ASTN2: variants seen among roughly 807,000 people sequenced by gnomAD.
The protein encoded by ASTN2 is astrotactin-2.
Under a neutral mutation model 139.8 loss-of-function variants are expected in ASTN2, and 54 were observed. The observed-to-expected ratio is 0.39, with a 90% CI of 0.31 to 0.48. The LOEUF (loss-of-function observed/expected upper bound fraction) is 0.48, where lower values mean the gene tolerates loss of function less well. Ranked by LOEUF, ASTN2 falls within the 20% of genes least tolerant of loss-of-function variation. The probability of loss-of-function intolerance (pLI) is 0.95; values close to 1 mark genes in which losing one functional copy is unlikely to be tolerated. For synonymous variants in ASTN2, 756 were observed against 719.5 expected, an observed-to-expected ratio of 1.05 and a Z score of -0.81; for missense variants, 1,565 against 1,725.1, an observed-to-expected ratio of 0.91 and a Z score of 1.64.
At chr9:117,242,032 T>C (rs999872998) in intron 2 of ASTN2, among the ~76,000 whole-genome samples, 4 of 115,836 alleles carry the variant, frequency 3.5e-5, no homozygotes, top group Admixed American at 1.7e-4. Flanking sequence ...TTTTTTTTTT[T>C]TTAGCTGAGT....
intron 2 of ASTN2, 40 bp from the exon 3 acceptor site, chr9:117,214,782 C>T (rs1220126646): frequency 4.9e-6 from 7 of 1,435,002 alleles, no homozygotes; most frequent in Non-Finnish European, 6.4e-6. Context: ...GGCCACTGTT[C>T]TTTGGAATCG....
At chr9:117,294,780 C>A (rs1834687109) in intron 1 of ASTN2, among the ~76,000 whole-genome samples, 1 of 152,180 alleles carries the variant, frequency 6.6e-6, no homozygotes, top group South Asian at 2.1e-4. Context: ...CCCTGCAGGA[C>A]TTACAACTGT....
chr9:116,887,446 C>G (rs1276102354), intron 10 of ASTN2, among the ~76,000 whole-genome samples: 1 of 151,396 alleles, frequency 6.6e-6, no homozygotes, highest in African/African-American at 2.4e-5. Flanking sequence ...AAACAACCAG[C>G]CTAGGAAAAA....
chr9:117,396,358 CTT>C (rs1830676914), intron 1 of ASTN2, among the ~76,000 whole-genome samples: 1 of 152,162 alleles, frequency 6.6e-6, no homozygotes, highest in Non-Finnish European at 1.5e-5. Flanking sequence ...GCTATGAATG[CTT>C]ACACTGCTAA....
At chr9:116,764,841 G>C (rs1829764344) in intron 13 of ASTN2, among the ~76,000 whole-genome samples, 1 of 152,032 alleles carries the variant, frequency 6.6e-6, no homozygotes, top group South Asian at 2.1e-4. Context: ...TATTTTAATT[G>C]GAAGTTGAGA....
intron 20 of ASTN2, among the ~76,000 whole-genome samples, chr9:116,482,999 C>G (rs754833588): frequency 6.6e-6 from 1 of 152,226 alleles, no homozygotes; most frequent in Non-Finnish European, 1.5e-5. Context: ...AAGACAGAGG[C>G]TAATTACCTT....
chr9:116,974,272 T>C (rs143851357), intron 10 of ASTN2, among the ~76,000 whole-genome samples: 185 of 152,284 alleles, frequency 1.2e-3, no homozygotes, highest in Non-Finnish European at 2.3e-3. Flanking sequence ...ATTAAATCAA[T>C]AAACATTTAA....
At chr9:116,481,831 A>C (rs774669913) in intron 20 of ASTN2, among the ~76,000 whole-genome samples, 9 of 152,164 alleles carry the variant, frequency 5.9e-5, no homozygotes, top group Non-Finnish European at 1.3e-4. Context: ...TGTCATTTGC[A>C]GTTAGGAAGT....
At chr9:116,922,800 G>A (rs1264650668) in intron 10 of ASTN2, among the ~76,000 whole-genome samples, 1 of 152,176 alleles carries the variant, frequency 6.6e-6, no homozygotes, top group Non-Finnish European at 1.5e-5. Context: ...ACAGTTCTGG[G>A]GATAAGCATA....
chr9:116,721,095 A>C (rs1828461535), intron 16 of ASTN2, among the ~76,000 whole-genome samples: 1 of 152,228 alleles, frequency 6.6e-6, no homozygotes, highest in African/African-American at 2.4e-5. Context: ...GGGTTGGATC[A>C]AGATAATTAG....
intron 4 of ASTN2, among the ~76,000 whole-genome samples, chr9:117,129,414 T>C (rs1414117925): frequency 6.6e-6 from 1 of 152,164 alleles, no homozygotes; most frequent in Non-Finnish European, 1.5e-5. Flanking sequence ...TGCAGAGTCA[T>C]CACTGAAAAT....
At chr9:116,864,001 C>T (rs1266835049) in intron 10 of ASTN2, among the ~76,000 whole-genome samples, 1 of 152,032 alleles carries the variant, frequency 6.6e-6, no homozygotes, top group Non-Finnish European at 1.5e-5. Flanking sequence ...ATGAGATGTG[C>T]ACTTTACCGT....
intron 12 of ASTN2, 106 bp downstream of exon 12, chr9:116,820,510 AT>A (rs1831456190): frequency 7.3e-7 from 1 of 1,374,184 alleles, no homozygotes; most frequent in African/African-American, 1.5e-5. Context: ...AGGCCATTTT[AT>A]TGAAGGTCAA....
intron 4 of ASTN2, among the ~76,000 whole-genome samples, chr9:117,121,141 G>T (rs1829548015): frequency 6.6e-6 from 1 of 152,166 alleles, no homozygotes; most frequent in Non-Finnish European, 1.5e-5. Flanking sequence ...CTTGCCCCAG[G>T]GCTTTATTAA....
intron 10 of ASTN2, among the ~76,000 whole-genome samples, chr9:116,942,799 G>A (rs912365601): frequency 2.0e-5 from 3 of 152,200 alleles, no homozygotes; most frequent in Admixed American, 2.0e-4. Flanking sequence ...CCCAATAAAA[G>A]CAAGGACTTC....
Position 117,365,121 on chromosome 9 carries a change from C to A in ASTN2, c.442+49376G>T, listed in dbSNP as rs376655232. 1.4e-3 allele frequency among the ~76,000 whole-genome samples: 210 copies of A among 151,298 alleles called. 1 individual carries two copies. The highest frequency in any genetic ancestry group is 5.0e-3 in the African/African-American group (207 of 41,146). On this transcript the variant is annotated intron_variant, in intron 1 of 22. Transcript: ENST00000313400. ...CCAACATCACTTCACTGCACTCCAGCCTGGGCACTGGAGCAAAACCCTGTC... is the reference window on the plus strand; with the variant it reads ...CCAACATCACTTCACTGCACTCCAGACTGGGCACTGGAGCAAAACCCTGTC...
At chr9:117,162,287 T>C (rs1303485911) in intron 3 of ASTN2, among the ~76,000 whole-genome samples, 1 of 152,046 alleles carries the variant, frequency 6.6e-6, no homozygotes, top group Non-Finnish European at 1.5e-5. Context: ...TCTTGGCAAG[T>C]GTAGAGAGAA....
At chr9:116,929,585 T>C (rs569146320) in intron 10 of ASTN2, among the ~76,000 whole-genome samples, 1 of 152,260 alleles carries the variant, frequency 6.6e-6, no homozygotes, top group East Asian at 1.9e-4. Flanking sequence ...CCTGGAGAAA[T>C]ACAGTCCATG....
At chr9:117,026,814 A>C (rs7874134) in intron 6 of ASTN2, among the ~76,000 whole-genome samples, 41,482 of 152,000 alleles carry the variant, frequency 0.27, 5,798 homozygotes, top group East Asian at 0.47. Flanking sequence ...GTAGCTTTGG[A>C]AGGGGCTATT....
Sources: gnomAD v4.1 joint callset for allele counts (sites outside exome capture counted in the v4.1 genomes callset) on GRCh38, gnomAD v4.1.1 for gene constraint, MANE v1.5 for transcripts, NCBI Gene and HGNC (gene_info 2026-07-23, HGNC 2026-07-21) for gene names.